DNER: variants seen among roughly 807,000 people sequenced by gnomAD.
DNER encodes the protein delta and Notch-like epidermal growth factor-related receptor.
DNER carries 33 observed loss-of-function variants against 78.2 expected under a neutral mutation model. The observed-to-expected ratio is 0.42, with a 90% CI of 0.32 to 0.56. The LOEUF (loss-of-function observed/expected upper bound fraction) is 0.56, where lower values mean the gene tolerates loss of function less well. DNER is among the 20% of genes least tolerant of loss of function. DNER has a pLI of 0.11. For synonymous variants in DNER, 417 were observed against 384.8 expected (o/e 1.08, Z -0.98); for missense variants, 918 against 975.3 (o/e 0.94, Z 0.78).
chr2:229,558,320 A>AC (rs113205825), intron 4 of DNER, among the ~76,000 whole-genome samples: 3,588 of 152,036 alleles, frequency 0.024, 150 homozygotes, highest in African/African-American at 0.083. Context: ...TGTACAATAG[A>AC]CCCCCATAAC....
chr2:229,707,020 G>GT (rs976251849), intron 1 of DNER, among the ~76,000 whole-genome samples: 5 of 151,544 alleles, frequency 3.3e-5, no homozygotes, highest in African/African-American at 1.2e-4. Context: ...TTTGTTTTGT[G>GT]TTTTTTTTCC....
At chr2:229,672,533 G>A (rs1020192821) in intron 1 of DNER, among the ~76,000 whole-genome samples, 4 of 151,300 alleles carry the variant, frequency 2.6e-5, no homozygotes, top group Non-Finnish European at 2.9e-5. Flanking sequence ...CAGAAAGAGA[G>A]GAAGAAGCAG....
intron 1 of DNER, among the ~76,000 whole-genome samples, chr2:229,694,508 T>C (rs13408959): frequency 0.38 from 57,237 of 152,082 alleles, 11,318 homozygotes; most frequent in East Asian, 0.71. Flanking sequence ...CCCTGCAAAG[T>C]CACAGGGTCA....
intron 7 of DNER, among the ~76,000 whole-genome samples, chr2:229,476,861 T>C (rs1207047550): frequency 6.6e-6 from 1 of 151,818 alleles, no homozygotes; most frequent in Non-Finnish European, 1.5e-5. Flanking sequence ...CTTAAGTAAA[T>C]TGTCACCATT....
chr2:229,451,354 G>A (rs1694452848), intron 7 of DNER, among the ~76,000 whole-genome samples: 1 of 152,194 alleles, frequency 6.6e-6, no homozygotes, highest in African/African-American at 2.4e-5. Context: ...CTACTGGGGA[G>A]GCTGAGGCAG....
At chr2:229,429,791 C>T (rs770903956) in intron 8 of DNER, among the ~76,000 whole-genome samples, 6 of 152,208 alleles carry the variant, frequency 3.9e-5, no homozygotes, top group South Asian at 2.1e-4. Context: ...TTTTCCAATA[C>T]GAAACAGCCT....
chr2:229,468,632 C>T (rs757211753), intron 7 of DNER, among the ~76,000 whole-genome samples: 17 of 152,246 alleles, frequency 1.1e-4, no homozygotes, highest in Non-Finnish European at 2.1e-4. Context: ...CTCTGATCCC[C>T]GAAATATCAG....
rs398061160 is a variant in DNER, at chr2:229,413,321, C to CTTTTTTTTT, written c.1609+4778_1609+4786dup. Among the ~76,000 whole-genome samples the CTTTTTTTTT allele has an allele frequency of 9.6e-3, 653 of 67,768 alleles. 34 individuals carry two copies. Among genetic ancestry groups the CTTTTTTTTT allele is most frequent in the Middle Eastern group, 0.016 (1 of 62 alleles). 44.5% of individuals were successfully genotyped at this position (67,768 alleles called of 152,430 possible). ...TGCTTTTCTTTTTCTTTTTCTTCTT[C>CTTTTTTTTT]TTTTTTTTTTTTTTTTTTTTTGACG... is the stretch of plus-strand genomic sequence containing the variant. On this transcript the variant is annotated intron_variant, in intron 9 of 12. Transcript: ENST00000341772.
At chr2:229,666,215 C>A (rs1441992890) in intron 1 of DNER, among the ~76,000 whole-genome samples, 2 of 152,144 alleles carry the variant, frequency 1.3e-5, no homozygotes, top group African/African-American at 4.8e-5. Context: ...TGCTTAACAC[C>A]CCTCCTGCTT....
At chr2:229,386,695 A>G (rs1346465048) in intron 11 of DNER, among the ~76,000 whole-genome samples, 1 of 152,190 alleles carries the variant, frequency 6.6e-6, no homozygotes, top group African/African-American at 2.4e-5. Flanking sequence ...AAAAGAAGAC[A>G]TTCATGCAGC....
rs556857677 is a variant in DNER, at chr2:229,643,293, T to TTATATCC, written c.277-51412_277-51406dup. 9.8e-5 allele frequency among the ~76,000 whole-genome samples: 15 copies of TTATATCC among 152,328 alleles called. No homozygotes were observed. The East Asian group carries it at 2.5e-3, about 25-fold the overall frequency. On this transcript the variant is annotated intron_variant, in intron 1 of 12. Transcript: ENST00000341772. ...TACTACCTATGTGGTCTTAGGCAAG[T>TTATATCC]TATATCCTTTATGGGCCTCAGTTTC... is the stretch of plus-strand genomic sequence containing the variant.
intron 1 of DNER, among the ~76,000 whole-genome samples, chr2:229,699,471 T>G (rs1224925901): frequency 2.0e-5 from 3 of 152,192 alleles, no homozygotes; most frequent in Non-Finnish European, 2.9e-5. Flanking sequence ...GTTCAAGCGA[T>G]TCTCCCACCT....
At chr2:229,400,960 T>C (rs1253487038) in intron 10 of DNER, among the ~76,000 whole-genome samples, 2 of 152,010 alleles carry the variant, frequency 1.3e-5, no homozygotes, top group Non-Finnish European at 2.9e-5. Context: ...TGATCATAAA[T>C]CTCATTGACA....
At chr2:229,452,525 A>G (rs1347822909) in intron 7 of DNER, among the ~76,000 whole-genome samples, 4 of 152,206 alleles carry the variant, frequency 2.6e-5, no homozygotes, top group Non-Finnish European at 5.9e-5. Flanking sequence ...ACCTGCAGCC[A>G]ATTTGAAACA....
At chr2:229,439,360 C>T (rs184252472) in intron 8 of DNER, among the ~76,000 whole-genome samples, 5 of 152,316 alleles carry the variant, frequency 3.3e-5, no homozygotes, top group Admixed American at 1.3e-4. Context: ...AATGCTCCAC[C>T]ATTTTATAGA....
At chr2:229,635,375 A>C (rs1698511579) in intron 1 of DNER, among the ~76,000 whole-genome samples, 1 of 150,914 alleles carries the variant, frequency 6.6e-6, no homozygotes, top group South Asian at 2.1e-4. Flanking sequence ...AAAAAAAAAA[A>C]AAAAAAAAAA....
chr2:229,559,931 G>A (rs1227313111), intron 4 of DNER, among the ~76,000 whole-genome samples: 1 of 152,160 alleles, frequency 6.6e-6, no homozygotes, highest in Non-Finnish European at 1.5e-5. Flanking sequence ...GTGCTCATTA[G>A]GATGGCAATG....
At chr2:229,409,380 C>T (rs1693457487) in intron 9 of DNER, among the ~76,000 whole-genome samples, 1 of 152,282 alleles carries the variant, frequency 6.6e-6, no homozygotes, top group Non-Finnish European at 1.5e-5. Flanking sequence ...GCCTAGAAAA[C>T]ATTTCCATTA....
chr2:229,465,926 G>A (rs1225680261), intron 7 of DNER, among the ~76,000 whole-genome samples: 1 of 152,034 alleles, frequency 6.6e-6, no homozygotes, highest in African/African-American at 2.4e-5. Flanking sequence ...AAACTGGTGT[G>A]TCCTCTCCCT....
Sources: allele counts gnomAD v4.1 joint callset (sites outside exome capture counted in the v4.1 genomes callset), GRCh38; gene constraint gnomAD v4.1.1; transcripts MANE v1.5; gene names NCBI Gene and HGNC (gene_info 2026-07-23, HGNC 2026-07-21).